SLC3A1: variants seen among roughly 807,000 people sequenced by gnomAD.
SLC3A1 encodes amino acid transporter heavy chain SLC3A1.
Under a neutral mutation model 60.3 loss-of-function variants are expected in SLC3A1, and 78 were observed. The ratio of observed to expected loss-of-function variants is 1.29; its 90% confidence interval spans 1.08 to 1.56. The LOEUF (loss-of-function observed/expected upper bound fraction) is 1.56. Ranked by LOEUF, SLC3A1 falls within the 40% of genes most tolerant of loss-of-function variation. The probability of loss-of-function intolerance (pLI) is 0.00; values close to 1 mark genes in which losing one functional copy is unlikely to be tolerated. For missense variants in SLC3A1, 1,172 were observed against 858.9 expected, an observed-to-expected ratio of 1.36 and a Z score of -4.56; for synonymous variants, 392 against 307.9, an observed-to-expected ratio of 1.27 and a Z score of -2.86.
intron 3 of SLC3A1, among the ~76,000 whole-genome samples, chr2:44,282,060 T>C (rs1671511527): frequency 6.6e-6 from 1 of 151,948 alleles, no homozygotes; most frequent in African/African-American, 2.4e-5. Context: ...TTAGTAGAGG[T>C]AGGGTTTCAC....
At chr2:44,313,765 A>C in intron 8 of SLC3A1, 70 bp from the exon 9 acceptor site, 1 of 1,169,100 alleles carries the variant, frequency 8.6e-7, no homozygotes. Context: ...ATTATGAAGT[A>C]AATCAGGACC....
chr2:44,307,219 C>T (rs1268556858), intron 7 of SLC3A1, among the ~76,000 whole-genome samples: 1 of 152,116 alleles, frequency 6.6e-6, no homozygotes, highest in East Asian at 1.9e-4. Flanking sequence ...TTCCATAAAG[C>T]CCATTTTGTT....
chr2:44,286,143 C>G lies in SLC3A1; in HGVS notation c.877C>G (p.Gln293Glu). The G allele has an allele frequency of 6.2e-7, 1 of 1,613,874 alleles. No individual in the cohort carries two copies. The highest frequency in any genetic ancestry group is 1.3e-5 in the African/African-American group (1 of 75,008). The stretch of plus-strand genomic sequence containing the variant: ...TTTAAATTTCCGCAATCCTGATGTT[C>G]AAGAAGAAATAAAAGTGAGTATAGA... ...PDLNFRNPDVQEEIKEILRFW... is the reference protein window; with the variant it reads ...PDLNFRNPDVEEEIKEILRFW... Residue 293 changes from glutamine to glutamate, a missense_variant, in exon 4 of 10, where the codon CAA becomes GAA. Coordinates refer to ENST00000260649, the MANE Select transcript of SLC3A1 (RefSeq NM_000341.4).
At chr2:44,285,703 T>C (rs775695283) in intron 3 of SLC3A1, 2 of 516,210 alleles carry the variant, frequency 3.9e-6, no homozygotes, top group African/African-American at 3.8e-5. Flanking sequence ...AAACAAGAGT[T>C]TGGATCCTGG....
At position 44,320,429 on chromosome 2, in the gene SLC3A1, T is replaced by C; in HGVS notation, c.1848T>C (p.Ala616=). The C allele has an allele frequency of 6.2e-7, 1 of 1,614,092 alleles. No homozygotes were observed. ...NLHNMISGLP[A]KMRIRLSTNS... ...ATAATATGATTTCGGGCCTTCCCGC[T>C]AAAATGAGAATAAGGTTAAGTACCA... The change falls in exon 10 of 10, where the codon GCT becomes GCC. Residue 616 remains alanine (A), a synonymous_variant. Transcript: ENST00000260649.
chr2:44,319,653 A>G (rs1443607428), intron 9 of SLC3A1: 8 of 152,966 alleles, frequency 5.2e-5, no homozygotes, highest in Non-Finnish European at 1.2e-4. Flanking sequence ...TCTAACTTTC[A>G]CCTTAGGCAG....
At position 44,275,612 on chromosome 2, in the gene SLC3A1, A is replaced by G. The variant is rs903060488; in HGVS notation, c.77A>G (p.His26Arg). The change falls in exon 1 of 10, where the codon CAT becomes CGT. Residue 26 changes from histidine to arginine, a missense_variant. Transcript: ENST00000260649. ...TGCCAGACAAACAACGGGTTTGTCC[A>G]TAATGAAGACATTCTGGAGCAGACC... ...KGCQTNNGFV[H>R]NEDILEQTPD... The G allele has an allele frequency of 6.2e-7, 1 of 1,614,132 alleles. No individual in the cohort carries two copies. Among genetic ancestry groups the G allele is most frequent in the Admixed American group, 1.7e-5 (1 of 60,018 alleles).
downstream of SLC3A1, among the ~76,000 whole-genome samples, chr2:44,322,105 C>T (rs1424516186): frequency 1.3e-5 from 2 of 152,056 alleles, no homozygotes; most frequent in Non-Finnish European, 2.9e-5. Flanking sequence ...CAGGAAGAGG[C>T]CGTATGGAAA....
chr2:44,319,984 T>C, intron 9 of SLC3A1: 1 of 557,902 alleles, frequency 1.8e-6, no homozygotes, highest in Non-Finnish European at 3.2e-6. Context: ...GCGTACTTAT[T>C]GACTCCCAGA....
intron 2 of SLC3A1, 108 bp from the exon 3 acceptor site, chr2:44,281,279 C>T (rs1158559243): frequency 1.9e-5 from 18 of 963,122 alleles, no homozygotes; most frequent in Non-Finnish European, 2.6e-5. Context: ...CTACCTTAGC[C>T]TCCCAGTGTA....
At chr2:44,282,320 T>G (rs1671519478) in intron 3 of SLC3A1, among the ~76,000 whole-genome samples, 1 of 152,126 alleles carries the variant, frequency 6.6e-6, no homozygotes, top group Admixed American at 6.6e-5. Flanking sequence ...AACTGAGCCA[T>G]CCACTCTTCT....
intron 1 of SLC3A1, among the ~76,000 whole-genome samples, chr2:44,278,091 A>T (rs1671391025): frequency 6.6e-6 from 1 of 152,192 alleles, no homozygotes; most frequent in Non-Finnish European, 1.5e-5. Context: ...CTGCCTGTTG[A>T]TACCGTGTGA....
chr2:44,309,520 T>C (rs1159070154), intron 7 of SLC3A1, among the ~76,000 whole-genome samples: 2 of 152,230 alleles, frequency 1.3e-5, no homozygotes, highest in Non-Finnish European at 2.9e-5. Context: ...ACCAATGGTG[T>C]ACAAGTATCT....
intron 9 of SLC3A1, chr2:44,318,086 C>G (rs1462095159): frequency 1.4e-5 from 6 of 423,688 alleles, no homozygotes; most frequent in Non-Finnish European, 2.8e-5. Context: ...CTTAAAGGAT[C>G]TCAACACTGT....
In SLC3A1 at chr2:44,300,078, G is replaced by T. The variant is rs746325971; in HGVS notation, c.999G>T (p.Lys333Asn). The T allele has an allele frequency of 1.2e-6, 2 of 1,613,952 alleles. No homozygotes were observed. The highest frequency in any genetic ancestry group is 1.3e-5 in the African/African-American group (1 of 75,048). The change falls in exon 5 of 10, where the codon AAG becomes AAT. Residue 333 changes from lysine to asparagine, a missense_variant. Physicochemically the swap from Lys to Asn is moderately conservative, Grantham distance 94. Coordinates refer to ENST00000260649, the MANE Select transcript of SLC3A1 (RefSeq NM_000341.4). The part of the protein sequence containing the change: ...KHLRDEIQVN[K>N]TQIPDTVTQY... ...TGAGAGATGAGATCCAAGTAAATAA[G>T]ACCCAAATCCCGGTAAAGTTTTATT...
At chr2:44,308,293 TTTG>T (rs1184085067) in intron 7 of SLC3A1, among the ~76,000 whole-genome samples, 2 of 152,238 alleles carry the variant, frequency 1.3e-5, no homozygotes, top group Non-Finnish European at 2.9e-5. Flanking sequence ...GTCCTCCAAC[TTTG>T]TTATTTTTCA....
At chr2:44,278,084 C>G (rs1243407585) in intron 1 of SLC3A1, among the ~76,000 whole-genome samples, 1 of 152,098 alleles carries the variant, frequency 6.6e-6, no homozygotes, top group Non-Finnish European at 1.5e-5. Flanking sequence ...CCTCTTGCTG[C>G]CTGTTGATAC....
intron 7 of SLC3A1, among the ~76,000 whole-genome samples, chr2:44,306,072 G>A (rs1672148777): frequency 6.6e-6 from 1 of 152,036 alleles, no homozygotes; most frequent in Non-Finnish European, 1.5e-5. Flanking sequence ...CTCAGGGTTT[G>A]TTTGTTACTG....
At chr2:44,289,604 G>T (rs1007201392) in intron 4 of SLC3A1, among the ~76,000 whole-genome samples, 1 of 151,774 alleles carries the variant, frequency 6.6e-6, no homozygotes, top group Non-Finnish European at 1.5e-5. Flanking sequence ...TGAAGCACAA[G>T]CGTTTTTAAT....
Sources: allele counts gnomAD v4.1 joint callset (sites outside exome capture counted in the v4.1 genomes callset), GRCh38; gene constraint gnomAD v4.1.1; transcripts MANE v1.5; gene names NCBI Gene and HGNC (gene_info 2026-07-23, HGNC 2026-07-21).